HOOK3: variants seen among roughly 807,000 people sequenced by gnomAD.
HOOK3 encodes hook microtubule tethering protein 3, also known as protein Hook homolog 3.
In HOOK3, 24 loss-of-function variants were observed where a neutral mutation model predicts 116.3. The observed-to-expected ratio is 0.21, with a 90% CI of 0.15 to 0.29. The LOEUF (loss-of-function observed/expected upper bound fraction) is 0.29, where lower values mean the gene tolerates loss of function less well. Among genes scored for constraint, HOOK3 ranks in the 10% least tolerant of loss-of-function variants. The pLI is 1.00. For missense variants in HOOK3, 632 were observed against 830.2 expected, an observed-to-expected ratio of 0.76 and a Z score of 2.93; for synonymous variants, 275 against 283.0, an observed-to-expected ratio of 0.97 and a Z score of 0.28.
chr8:42,915,040 A>T (rs1226235107), intron 2 of HOOK3, among the ~76,000 whole-genome samples: 7 of 152,180 alleles, frequency 4.6e-5, no homozygotes, highest in Non-Finnish European at 7.3e-5. Flanking sequence ...CCGACTTTAG[A>T]TACTAGGGAA....
chr8:42,989,584 A>G (rs1323109774), intron 15 of HOOK3, among the ~76,000 whole-genome samples: 1 of 152,172 alleles, frequency 6.6e-6, no homozygotes, highest in African/African-American at 2.4e-5. Flanking sequence ...CCTCTCAAGC[A>G]TTTATCATTT....
At chr8:43,015,778 G>T (rs565296006) in intron 21 of HOOK3, among the ~76,000 whole-genome samples, 37 of 152,048 alleles carry the variant, frequency 2.4e-4, no homozygotes, top group Admixed American at 1.6e-3. Context: ...GAGTGCAGTG[G>T]TGCAATCTTG....
chr8:42,919,090 GC>G (rs1175721265), intron 2 of HOOK3, among the ~76,000 whole-genome samples: 1 of 149,838 alleles, frequency 6.7e-6, no homozygotes, highest in South Asian at 2.1e-4. Context: ...GGCGGGGGCT[GC>G]CCCCCATCAC....
intron 8 of HOOK3, among the ~76,000 whole-genome samples, chr8:42,962,796 C>CTTCTTTTTTT (rs1554512590): frequency 1.7e-4 from 17 of 99,352 alleles, no homozygotes; most frequent in African/African-American, 5.7e-4. Flanking sequence ...ACTTCTTCTT[C>CTTCTTTTTTT]TTTTTTTTTT....
At chr8:42,992,210 C>T (rs182407169) in intron 15 of HOOK3, among the ~76,000 whole-genome samples, 32 of 150,940 alleles carry the variant, frequency 2.1e-4, no homozygotes, top group African/African-American at 7.1e-4. Flanking sequence ...ACCATCCTGG[C>T]GAACACGGTG....
chr8:42,985,235 A>G (rs1323885469), intron 14 of HOOK3, among the ~76,000 whole-genome samples: 1 of 152,186 alleles, frequency 6.6e-6, no homozygotes, highest in Non-Finnish European at 1.5e-5. Flanking sequence ...GTTTAATCCT[A>G]AGGAAAACCA....
At chr8:42,932,265 G>T (rs1387163243) in intron 4 of HOOK3, among the ~76,000 whole-genome samples, 1 of 151,978 alleles carries the variant, frequency 6.6e-6, no homozygotes, top group South Asian at 2.1e-4. Context: ...TTTTTCCTTC[G>T]ACCAGAAGTA....
At chr8:42,986,193 T>C (rs111945994) in intron 14 of HOOK3, among the ~76,000 whole-genome samples, 22 of 152,332 alleles carry the variant, frequency 1.4e-4, no homozygotes, top group African/African-American at 5.3e-4. Flanking sequence ...ATTGTAATGA[T>C]CTGGCTTGTT....
At chr8:42,962,411 T>C (rs1017578483) in intron 8 of HOOK3, among the ~76,000 whole-genome samples, 1 of 149,360 alleles carries the variant, frequency 6.7e-6, no homozygotes, top group African/African-American at 2.4e-5. Context: ...CCGTGTGTTT[T>C]TTTTTTTTTT....
chr8:42,982,271 G>GA lies in HOOK3; in HGVS notation c.1322-345dup, dbSNP rs753456985. Reference sequence around the variant, plus strand: ...CTCTGTCTTAAAAAAAAAAAAAAAAGAAAAAAAAAAAGAAAAAAGGTAGAA... The same window carrying GA: ...CTCTGTCTTAAAAAAAAAAAAAAAAGAAAAAAAAAAAAGAAAAAAGGTAGAA... On this transcript the variant is annotated intron_variant, in intron 13 of 21. Transcript: ENST00000307602. Among the ~76,000 whole-genome samples the GA allele has an allele frequency of 1.1e-3, 130 of 118,140 alleles. 2 individuals carry two copies. Among genetic ancestry groups the GA allele is most frequent in the African/African-American group, 3.2e-3 (94 of 29,254 alleles). 77.5% of individuals were successfully genotyped at this position (118,140 alleles called of 152,430 possible). A position where few individuals can be genotyped will look rare whatever the true frequency, so the allele number is the denominator to read the frequency against.
At chr8:42,927,732 A>G (rs1807796280) in intron 3 of HOOK3, among the ~76,000 whole-genome samples, 1 of 152,110 alleles carries the variant, frequency 6.6e-6, no homozygotes, top group Non-Finnish European at 1.5e-5. Context: ...AGCCTTTCAA[A>G]TAGCTGGGAC....
chr8:43,018,137 TA>T (rs1242549768), intron 21 of HOOK3, among the ~76,000 whole-genome samples: 1 of 152,236 alleles, frequency 6.6e-6, no homozygotes, highest in Non-Finnish European at 1.5e-5. Flanking sequence ...TTGTTTATTG[TA>T]AAATCAGACA....
chr8:42,991,814 C>T, intron 15 of HOOK3, among the ~76,000 whole-genome samples: 1 of 152,052 alleles, frequency 6.6e-6, no homozygotes, highest in Non-Finnish European at 1.5e-5. Context: ...GTCTCACACC[C>T]CTGGGCTCAG....
chr8:42,935,758 T>A (rs1807957688), intron 4 of HOOK3, among the ~76,000 whole-genome samples: 1 of 152,238 alleles, frequency 6.6e-6, no homozygotes, highest in African/African-American at 2.4e-5. Flanking sequence ...GTATATCTGC[T>A]TTGGTACCAG....
At chr8:42,954,379 C>T (rs972135297) in intron 6 of HOOK3, among the ~76,000 whole-genome samples, 1 of 152,128 alleles carries the variant, frequency 6.6e-6, no homozygotes, top group Non-Finnish European at 1.5e-5. Flanking sequence ...TATTTAAAAA[C>T]TCAGACCAAG....
intron 8 of HOOK3, 84 bp downstream of exon 8, chr8:42,959,398 C>T (rs1436452515): frequency 1.1e-6 from 1 of 890,602 alleles, no homozygotes; most frequent in Non-Finnish European, 1.8e-6. Flanking sequence ...TCATACAGTA[C>T]ATCTTAACTA....
At chr8:42,977,861 T>C (rs1808857533) in intron 13 of HOOK3, among the ~76,000 whole-genome samples, 1 of 152,044 alleles carries the variant, frequency 6.6e-6, no homozygotes, top group Non-Finnish European at 1.5e-5. Flanking sequence ...AGTGAGACTC[T>C]GTCTCCAAAA....
chr8:42,954,447 G>A (rs1808399695), intron 6 of HOOK3, among the ~76,000 whole-genome samples: 1 of 152,130 alleles, frequency 6.6e-6, no homozygotes, highest in Non-Finnish European at 1.5e-5. Context: ...TGAAAACAAT[G>A]TATATCCATT....
At chr8:43,002,057 A>G (rs1363654038) in intron 16 of HOOK3, 50 bp from the exon 17 acceptor site, 8 of 1,183,972 alleles carry the variant, frequency 6.8e-6, no homozygotes, top group Non-Finnish European at 1.0e-5. Flanking sequence ...AGAAAATACT[A>G]TTTTAGTTAA....
Sources: gnomAD v4.1 joint callset for allele counts (sites outside exome capture counted in the v4.1 genomes callset) on GRCh38, gnomAD v4.1.1 for gene constraint, MANE v1.5 for transcripts, NCBI Gene and HGNC (gene_info 2026-07-23, HGNC 2026-07-21) for gene names.